EBF1: variants seen among roughly 807,000 people sequenced by gnomAD.
EBF1 encodes the protein transcription factor COE1.
A neutral mutation model predicts 68.4 loss-of-function variants in EBF1; 10 were observed. That is an observed-to-expected ratio of 0.15 (90% CI 0.09 to 0.25). The LOEUF (loss-of-function observed/expected upper bound fraction) is 0.25. Among genes scored for constraint, EBF1 ranks in the 10% least tolerant of loss-of-function variants. The pLI is 1.00. For missense variants in EBF1, 509 were observed against 794.4 expected, an observed-to-expected ratio of 0.64 and a Z score of 4.32; for synonymous variants, 298 against 299.8, an observed-to-expected ratio of 0.99 and a Z score of 0.06.
chr5:158,706,568 T>C (rs989137873), intron 15 of EBF1, among the ~76,000 whole-genome samples: 11 of 152,080 alleles, frequency 7.2e-5, no homozygotes, highest in African/African-American at 2.2e-4. Flanking sequence ...TGTAGACAAG[T>C]AGAAATATGC....
At chr5:158,917,001 C>T (rs1232669239) in intron 6 of EBF1, among the ~76,000 whole-genome samples, 3 of 152,116 alleles carry the variant, frequency 2.0e-5, no homozygotes, top group Non-Finnish European at 2.9e-5. Context: ...GCTCAGTTTT[C>T]GAAATATACC....
intron 4 of EBF1, among the ~76,000 whole-genome samples, chr5:159,094,684 C>G (rs1782270472): frequency 6.6e-6 from 1 of 152,182 alleles, no homozygotes; most frequent in South Asian, 2.1e-4. Flanking sequence ...TTTTAATCCT[C>G]TTGCTAAATT....
intron 14 of EBF1, among the ~76,000 whole-genome samples, chr5:158,711,037 A>C (rs1759132407): frequency 6.6e-6 from 1 of 152,232 alleles, no homozygotes; most frequent in Admixed American, 6.5e-5. Context: ...ATGTACCAAA[A>C]TGTTTTTGTA....
intron 6 of EBF1, among the ~76,000 whole-genome samples, chr5:158,916,235 A>ACTT (rs1255182367): frequency 2.0e-5 from 3 of 152,172 alleles, no homozygotes; most frequent in Non-Finnish European, 2.9e-5. Context: ...TGGCAGGACA[A>ACTT]GTGACCCTGT....
intron 7 of EBF1, among the ~76,000 whole-genome samples, chr5:158,831,003 G>A (rs1202090234): frequency 6.6e-6 from 1 of 152,164 alleles, no homozygotes; most frequent in Non-Finnish European, 1.5e-5. Context: ...TAGACCTTTG[G>A]AAACTAGAAT....
chr5:158,723,603 C>A (rs976715144), intron 11 of EBF1, among the ~76,000 whole-genome samples: 1 of 151,886 alleles, frequency 6.6e-6, no homozygotes, highest in African/African-American at 2.4e-5. Flanking sequence ...AGATATAATC[C>A]TATTTTCAAA....
In EBF1 at chr5:158,823,200, C is replaced by T; in HGVS notation, c.754G>A (p.Gly252Ser). 1.2e-6 allele frequency: 2 copies of T among 1,613,958 alleles called. No homozygotes were observed. Among genetic ancestry groups the T allele is most frequent in the Non-Finnish European group, 1.7e-6 (2 of 1,179,906 alleles). The change falls in exon 8 of 16, where the codon GGT becomes AGT. Residue 252 changes from glycine to serine, a missense_variant. This residue lies in a region of EBF1 where 230 missense variants were observed against 467.7 expected (regional missense o/e 0.49). Transcript: ENST00000313708. ...CCATGTTCCAGATAAGAGGGCGTACCTTCCGAGGGGTCAAGCCTCCGAGCC... is the reference window on the plus strand; with the variant it reads ...CCATGTTCCAGATAAGAGGGCGTACTTTCCGAGGGGTCAAGCCTCCGAGCC... ...RRARRLDPSE[G>S]TPSYLEHATP... is the part of the protein sequence containing the mutation.
chr5:158,821,199 A>G (rs1784757583), intron 8 of EBF1, among the ~76,000 whole-genome samples: 1 of 152,174 alleles, frequency 6.6e-6, no homozygotes, highest in East Asian at 1.9e-4. Context: ...CAAGGAGGAA[A>G]TCAAGGATCC....
chr5:159,085,352 C>G (rs998933212), intron 4 of EBF1, among the ~76,000 whole-genome samples: 2 of 152,230 alleles, frequency 1.3e-5, no homozygotes, highest in African/African-American at 4.8e-5. Context: ...GGCATATGCT[C>G]TGTGTGTGGA....
At chr5:159,058,324 C>A (rs769851922) in intron 6 of EBF1, among the ~76,000 whole-genome samples, 2 of 152,186 alleles carry the variant, frequency 1.3e-5, no homozygotes, top group Non-Finnish European at 2.9e-5. Flanking sequence ...AAAGCTCTCA[C>A]TTTGCTTTAG....
intron 6 of EBF1, among the ~76,000 whole-genome samples, chr5:158,912,663 T>G (rs6556371): frequency 1.3e-5 from 2 of 151,964 alleles, no homozygotes; most frequent in Non-Finnish European, 2.9e-5. Flanking sequence ...TCACAACAAC[T>G]CCATGAAGAA....
intron 6 of EBF1, among the ~76,000 whole-genome samples, chr5:158,987,746 A>G (rs112353242): frequency 2.3e-4 from 35 of 152,374 alleles, no homozygotes; most frequent in African/African-American, 8.2e-4. Flanking sequence ...AAAAAGATAT[A>G]AGAACTCTTC....
At chr5:158,896,327 C>T (rs911161337) in intron 6 of EBF1, among the ~76,000 whole-genome samples, 1 of 152,102 alleles carries the variant, frequency 6.6e-6, no homozygotes, top group African/African-American at 2.4e-5. Context: ...AAATTGTAAT[C>T]TCCAGAGGGC....
intron 5 of EBF1, 199 bp from the exon 6 acceptor site, chr5:159,073,663 T>G: frequency 1.8e-6 from 1 of 569,338 alleles, no homozygotes; most frequent in South Asian, 2.3e-5. Context: ...CTCTCCCTGC[T>G]CAAAGAAGGA....
intron 10 of EBF1, among the ~76,000 whole-genome samples, chr5:158,769,604 TTTG>T (rs751558809): frequency 6.6e-5 from 10 of 152,126 alleles, no homozygotes; most frequent in South Asian, 2.1e-4. Context: ...TTCAGTGACT[TTTG>T]TTGTTGTTGT....
Position 158,696,915 on chromosome 5 carries a change from T to TTTTC in EBF1, c.*2192_*2195dup, listed in dbSNP as rs1046349545. ...TTTCTTTGTTTTTTTTTTTTTCTTT[T>TTTTC]TTTCTTTTTCTTTTTTCTTAGAATG... On this transcript the variant is annotated 3_prime_UTR_variant, in exon 16 of 16. Transcript: ENST00000313708. 1 of 196,750 alleles carries TTTTC rather than the reference T, an allele frequency of 5.1e-6. No homozygotes were observed. Among genetic ancestry groups the TTTTC allele is most frequent in the East Asian group, 7.9e-5 (1 of 12,730 alleles). The allele number at this position is 196,750 out of a possible 1,614,324, so 12.2% of individuals were successfully genotyped here.
rs1260556624 is a variant in EBF1 at position 158,698,822 on chromosome 5, A to T, written c.*289T>A. On this transcript the variant is annotated 3_prime_UTR_variant, in exon 16 of 16. Coordinates refer to ENST00000313708, the MANE Select transcript of EBF1 (RefSeq NM_024007.5). ...GACAAATGATTGCAGAATTAAGCTTAAAAAAAAAAAAGAAAAAGAAAAAGT... is the reference window on the plus strand; with the variant it reads ...GACAAATGATTGCAGAATTAAGCTTTAAAAAAAAAAAGAAAAAGAAAAAGT... 4 of 176,454 alleles carry T rather than the reference A, an allele frequency of 2.3e-5. No homozygotes were observed. The highest frequency in any genetic ancestry group is 4.6e-5 in the Non-Finnish European group (4 of 87,270). The allele number at this position is 176,454 out of a possible 1,614,324, so 10.9% of individuals were successfully genotyped here. A position where few individuals can be genotyped will look rare whatever the true frequency, so the allele number is the denominator to read the frequency against.
chr5:158,916,709 T>C (rs544216879), intron 6 of EBF1, among the ~76,000 whole-genome samples: 1 of 152,330 alleles, frequency 6.6e-6, no homozygotes, highest in African/African-American at 2.4e-5. Flanking sequence ...TTCCATGTTA[T>C]AACTGTGTGC....
At chr5:158,704,762 G>A (rs1213298345) in intron 15 of EBF1, among the ~76,000 whole-genome samples, 1 of 152,072 alleles carries the variant, frequency 6.6e-6, no homozygotes, top group African/African-American at 2.4e-5. Context: ...CCTAAGGCTG[G>A]GTCCTCTTTG....
Sources: gnomAD v4.1 joint callset for allele counts (sites outside exome capture counted in the v4.1 genomes callset) on GRCh38, gnomAD v4.1.1 for gene constraint, gnomAD v4.1.1 regional missense constraint, MANE v1.5 for transcripts, NCBI Gene and HGNC (gene_info 2026-07-23, HGNC 2026-07-21) for gene names.